NKAIN2: variants seen among roughly 807,000 people sequenced by gnomAD.
NKAIN2 encodes the protein sodium/potassium transporting ATPase interacting 2.
NKAIN2 carries 14 observed loss-of-function variants against 32.6 expected under a neutral mutation model. That is an observed-to-expected ratio of 0.43 (90% CI 0.28 to 0.67). The LOEUF (loss-of-function observed/expected upper bound fraction) is 0.67. NKAIN2 is among the 30% of genes least tolerant of loss of function. The pLI is 0.17. For missense variants in NKAIN2, 198 were observed against 258.3 expected (o/e 0.77, Z 1.60); for synonymous variants, 80 against 87.2 (o/e 0.92, Z 0.46).
At chr6:124,712,575 G>C (rs927530802) in intron 4 of NKAIN2, among the ~76,000 whole-genome samples, 1 of 140,208 alleles carries the variant, frequency 7.1e-6, no homozygotes, top group African/African-American at 2.8e-5. Context: ...GGAGTGACCC[G>C]ATTTTCCAGG....
chr6:124,608,472 CA>C (rs1782575931), intron 3 of NKAIN2, among the ~76,000 whole-genome samples: 1 of 152,180 alleles, frequency 6.6e-6, no homozygotes, highest in East Asian at 1.9e-4. Context: ...GACAATAATT[CA>C]AATATCTGCT....
intron 4 of NKAIN2, among the ~76,000 whole-genome samples, chr6:124,674,710 C>A (rs1773271324): frequency 6.6e-6 from 1 of 151,786 alleles, no homozygotes; most frequent in Non-Finnish European, 1.5e-5. Flanking sequence ...GCTTTAATAT[C>A]CTGCAATGTT....
intron 1 of NKAIN2, among the ~76,000 whole-genome samples, chr6:124,171,252 A>G (rs1231810185): frequency 2.6e-5 from 4 of 152,124 alleles, no homozygotes; most frequent in African/African-American, 9.7e-5. Context: ...CTGTTGGCAG[A>G]AAGACAAAAT....
chr6:124,363,909 T>TAA (rs1799402811), intron 3 of NKAIN2, among the ~76,000 whole-genome samples: 1 of 152,104 alleles, frequency 6.6e-6, no homozygotes, highest in Admixed American at 6.6e-5. Context: ...AAGAAGAAGA[T>TAA]ACACAATTGA....
At chr6:123,877,737 T>C (rs1352608945) in intron 1 of NKAIN2, among the ~76,000 whole-genome samples, 1 of 152,264 alleles carries the variant, frequency 6.6e-6, no homozygotes, top group Non-Finnish European at 1.5e-5. Flanking sequence ...TTATGCTTCA[T>C]TAAATTAATT....
At chr6:124,407,774 G>A (rs1234851498) in intron 3 of NKAIN2, among the ~76,000 whole-genome samples, 1 of 151,596 alleles carries the variant, frequency 6.6e-6, no homozygotes, top group African/African-American at 2.4e-5. Flanking sequence ...TGGCCACACT[G>A]ACTTCCACAA....
chr6:124,284,562 G>A (rs577717911), intron 2 of NKAIN2, among the ~76,000 whole-genome samples: 49 of 151,756 alleles, frequency 3.2e-4, no homozygotes, highest in Non-Finnish European at 5.9e-4. Flanking sequence ...ATAAATAATG[G>A]TTGCTCTGAA....
intron 4 of NKAIN2, among the ~76,000 whole-genome samples, chr6:124,755,900 T>C (rs1583802534): frequency 1.3e-5 from 2 of 152,190 alleles, no homozygotes; most frequent in East Asian, 3.9e-4. Context: ...CATTTTTAAA[T>C]GAAAATGTTA....
intron 1 of NKAIN2, among the ~76,000 whole-genome samples, chr6:124,053,374 C>T (rs949173232): frequency 7.9e-5 from 12 of 152,176 alleles, no homozygotes; most frequent in African/African-American, 2.9e-4. Flanking sequence ...AAATTGAATA[C>T]ATTGTTAATC....
chr6:124,110,862 T>C (rs1562363945), intron 1 of NKAIN2, among the ~76,000 whole-genome samples: 2 of 152,094 alleles, frequency 1.3e-5, no homozygotes. Flanking sequence ...GACATGCAAG[T>C]GTATGTGTAT....
rs765798304 is a variant in NKAIN2, at chr6:123,964,855, C to A, written c.54+160601C>A. ...GTTTCCTGGTTCCATCATCTGGGCT[C>A]TCATTTTATTCCTTTTGCTCATGTT... On this transcript the variant is annotated intron_variant, in intron 1 of 6. Coordinates refer to ENST00000368417, the MANE Select transcript of NKAIN2 (RefSeq NM_001040214.3). This position sits in a 1 kb window ranked among gnomAD's most constrained non-coding sequence, Gnocchi z 4.0. 2.0e-5 allele frequency among the ~76,000 whole-genome samples: 3 copies of A among 152,254 alleles called. No homozygotes were observed. Among genetic ancestry groups the A allele is most frequent in the Non-Finnish European group, 4.4e-5 (3 of 68,016 alleles).
intron 3 of NKAIN2, among the ~76,000 whole-genome samples, chr6:124,592,356 AG>A (rs1781942591): frequency 6.6e-6 from 1 of 152,186 alleles, no homozygotes; most frequent in African/African-American, 2.4e-5. Flanking sequence ...GATATTTCAG[AG>A]GGGGTTTACA....
chr6:124,139,070 T>C (rs1786992042), intron 1 of NKAIN2, among the ~76,000 whole-genome samples: 1 of 122,122 alleles, frequency 8.2e-6, no homozygotes, highest in East Asian at 2.4e-4. Context: ...AAAACTTTTT[T>C]AAATAAAAAT....
At chr6:124,783,240 C>T (rs1275637897) in intron 4 of NKAIN2, among the ~76,000 whole-genome samples, 1 of 152,142 alleles carries the variant, frequency 6.6e-6, no homozygotes, top group Non-Finnish European at 1.5e-5. Flanking sequence ...ACTAGGATAA[C>T]TTTTTGATAA....
At chr6:124,042,200 A>C (rs1356079737) in intron 1 of NKAIN2, among the ~76,000 whole-genome samples, 1 of 152,028 alleles carries the variant, frequency 6.6e-6, no homozygotes, top group African/African-American at 2.4e-5. Flanking sequence ...TGCCCCTCAA[A>C]CTATTCTTGT....
chr6:124,548,104 G>T (rs1333576568), intron 3 of NKAIN2, among the ~76,000 whole-genome samples: 1 of 152,106 alleles, frequency 6.6e-6, no homozygotes, highest in Admixed American at 6.6e-5. Flanking sequence ...GAAAGCAGAA[G>T]GTGTTAATAT....
At chr6:124,799,940 G>A (rs1023974411) in intron 5 of NKAIN2, among the ~76,000 whole-genome samples, 15 of 152,150 alleles carry the variant, frequency 9.9e-5, no homozygotes, top group African/African-American at 3.6e-4. Flanking sequence ...ATAATGGCAT[G>A]AGAAAGAAAG....
At chr6:124,344,552 C>T (rs1228374106) in intron 2 of NKAIN2, among the ~76,000 whole-genome samples, 1 of 151,542 alleles carries the variant, frequency 6.6e-6, no homozygotes, top group Admixed American at 6.6e-5. Context: ...CTTCACGTCC[C>T]TTGTAAGTTG....
At chr6:124,446,748 A>G (rs930093940) in intron 3 of NKAIN2, among the ~76,000 whole-genome samples, 11 of 152,152 alleles carry the variant, frequency 7.2e-5, no homozygotes, top group Non-Finnish European at 1.3e-4. Context: ...ATTACTATGT[A>G]TGTGATAATA....
Sources: allele counts gnomAD v4.1 joint callset (sites outside exome capture counted in the v4.1 genomes callset), GRCh38; gene constraint gnomAD v4.1.1; non-coding constraint Gnocchi (gnomAD v3.1); transcripts MANE v1.5; gene names NCBI Gene and HGNC (gene_info 2026-07-23, HGNC 2026-07-21).